Variants in ARHGEF4 observed in about 807,000 individuals in gnomAD.
The protein encoded by ARHGEF4 is Rho guanine nucleotide exchange factor 4, also known as APC-stimulated guanine nucleotide exchange factor 1.
A neutral mutation model predicts 162.0 loss-of-function variants in ARHGEF4; 119 were observed. That is an observed-to-expected ratio of 0.73 (90% CI 0.63 to 0.86). The LOEUF (loss-of-function observed/expected upper bound fraction) is 0.86, where lower values mean the gene tolerates loss of function less well. ARHGEF4 is among the 40% of genes least tolerant of loss of function. The pLI is 0.00. For synonymous variants in ARHGEF4, 1,014 were observed against 979.9 expected (o/e 1.03, Z -0.65); for missense variants, 2,488 against 2,456.0 (o/e 1.01, Z -0.28).
chr2:130,982,557 GCCT>G (rs941562698), intron 4 of ARHGEF4, among the ~76,000 whole-genome samples: 1 of 147,564 alleles, frequency 6.8e-6, no homozygotes. Flanking sequence ...TTCTTTTTTC[GCCT>G]CCTCCTCCTC....
chr2:131,041,955 G>T lies in ARHGEF4; in HGVS notation c.5025+11G>T. The T allele has an allele frequency of 6.2e-7, 1 of 1,609,142 alleles. No homozygotes were observed. Among genetic ancestry groups the T allele is most frequent in the Non-Finnish European group, 8.5e-7 (1 of 1,177,572 alleles). On this transcript the variant is annotated intron_variant, in intron 10 of 13. Coordinates refer to ENST00000409359, the MANE Select transcript of ARHGEF4 (RefSeq NM_001367493.1). ...ATAGAGGACTGGGAGGTGAGGGCCT[G>T]GGGGCACAGAAAATTCCAGGAGGTC...
intron 4 of ARHGEF4, among the ~76,000 whole-genome samples, chr2:131,011,402 A>C (rs1454932819): frequency 1.3e-5 from 2 of 152,218 alleles, no homozygotes; most frequent in Admixed American, 1.3e-4. Flanking sequence ...TATCTGTCTT[A>C]AAGTATGCAT....
chr2:130,916,967 A>G lies in ARHGEF4; in HGVS notation c.3021A>G (p.Pro1007=), dbSNP rs754598308. ...TTTTTAGCGATCACTGGGCACCCCC[A>G]CTTGCCTCCACACCTTTGTCCTCCA... ...GYVFSDHWAP[P]LASTPLSSSL... The change falls in exon 2 of 14, where the codon CCA becomes CCG. Residue 1007 remains proline (P), a synonymous_variant. Transcript: ENST00000409359. 6 of 1,550,832 alleles carry G rather than the reference A, an allele frequency of 3.9e-6. No homozygotes were observed. The South Asian group carries it at 7.1e-5, about 18-fold the overall frequency.
intron 4 of ARHGEF4, among the ~76,000 whole-genome samples, chr2:130,965,020 C>A (rs1441623625): frequency 6.6e-6 from 1 of 152,218 alleles, no homozygotes; most frequent in Non-Finnish European, 1.5e-5. Flanking sequence ...CAAACATTCT[C>A]AAATATTGTA....
At chr2:130,872,977 G>A (rs1198931993) in intron 1 of ARHGEF4, among the ~76,000 whole-genome samples, 1 of 152,086 alleles carries the variant, frequency 6.6e-6, no homozygotes, top group Admixed American at 6.5e-5. Context: ...TTCGCCTGTG[G>A]AGCACACCTT....
chr2:130,980,356 A>G (rs528760121), intron 4 of ARHGEF4, among the ~76,000 whole-genome samples: 2 of 150,804 alleles, frequency 1.3e-5, no homozygotes, highest in East Asian at 3.9e-4. Context: ...AGATCATGCC[A>G]TCCACCCTGT....
intron 4 of ARHGEF4, chr2:130,964,285 T>G: frequency 1.0e-6 from 1 of 984,904 alleles, no homozygotes; most frequent in Non-Finnish European, 1.2e-6. Context: ...GCACGCGCCC[T>G]CCGCGCCCGG....
chr2:131,006,614 A>C (rs1688127547), intron 4 of ARHGEF4, among the ~76,000 whole-genome samples: 1 of 152,230 alleles, frequency 6.6e-6, no homozygotes, highest in Non-Finnish European at 1.5e-5. Context: ...CCATTTTCCC[A>C]AACAGGAAAT....
In ARHGEF4 at chr2:130,975,460, C is replaced by T. The variant is rs1051709846; in HGVS notation, c.3985+28825C>T. Among the ~76,000 whole-genome samples the T allele has an allele frequency of 2.6e-5, 4 of 152,152 alleles. No homozygotes were observed. In the South Asian group the frequency reaches 8.3e-4, roughly 32 times the overall value. On this transcript the variant is annotated intron_variant, in intron 4 of 13. Transcript: ENST00000409359. ...CCACTGGGCCCCTACCTTAGTCATC[C>T]CAGGCCCAGGTACCAAAAAACTCGG...
At chr2:130,841,008 A>C (rs1050197624) in intron 1 of ARHGEF4, among the ~76,000 whole-genome samples, 1 of 152,210 alleles carries the variant, frequency 6.6e-6, no homozygotes, top group Non-Finnish European at 1.5e-5. Context: ...ACTATGCGCC[A>C]GATGTTGTTC....
chr2:130,836,921 T>C lies in ARHGEF4; in HGVS notation c.-33T>C. 4 of 1,221,184 alleles carry C rather than the reference T, an allele frequency of 3.3e-6. No homozygotes were observed. The highest frequency in any genetic ancestry group is 6.3e-4 in the Middle Eastern group (2 of 3,156). 75.6% of individuals were successfully genotyped at this position (1,221,184 alleles called of 1,614,324 possible). ...GGCTCGGCGGCGCGGCTCGTAGTGCTGCGGCCGGGCTCCGGGCGTCCCGGC... is the reference window on the plus strand; with the variant it reads ...GGCTCGGCGGCGCGGCTCGTAGTGCCGCGGCCGGGCTCCGGGCGTCCCGGC... On this transcript the variant is annotated 5_prime_UTR_variant, in exon 1 of 14. Transcript: ENST00000409359.
At chr2:130,853,156 C>T (rs775107769) in intron 1 of ARHGEF4, among the ~76,000 whole-genome samples, 2 of 152,212 alleles carry the variant, frequency 1.3e-5, no homozygotes, top group Non-Finnish European at 2.9e-5. Context: ...ATCCCCACAC[C>T]TATCCCAAGG....
chr2:130,903,670 T>A (rs908915995), intron 1 of ARHGEF4, among the ~76,000 whole-genome samples: 1 of 152,196 alleles, frequency 6.6e-6, no homozygotes, highest in Non-Finnish European at 1.5e-5. Context: ...TGGTACCCAA[T>A]AGGTAGTTTT....
At chr2:131,026,849 C>T (rs998001723) in intron 4 of ARHGEF4, among the ~76,000 whole-genome samples, 5 of 152,084 alleles carry the variant, frequency 3.3e-5, no homozygotes, top group African/African-American at 4.8e-5. Context: ...CACACCTAGG[C>T]GTCTACACTC....
In ARHGEF4 at chr2:130,999,354, T is replaced by C. The variant is rs528955206; in HGVS notation, c.3986-28591T>C. ...TGTATTTTTAGTAGAGACGGGGTTT[T>C]ACCATGTTAGCCAGGATGGTCTCGA... On this transcript the variant is annotated intron_variant, in intron 4 of 13. Transcript: ENST00000409359. Among the ~76,000 whole-genome samples, 725 of 151,470 alleles carry C rather than the reference T, an allele frequency of 4.8e-3. 4 individuals are homozygous for C. Among genetic ancestry groups the C allele is most frequent in the East Asian group, 0.011 (55 of 5,018 alleles).
chr2:130,893,127 G>C (rs1383601709), intron 1 of ARHGEF4, among the ~76,000 whole-genome samples: 1 of 152,214 alleles, frequency 6.6e-6, no homozygotes, highest in Non-Finnish European at 1.5e-5. Context: ...CCGTCCACCT[G>C]TGGTTTCACG....
chr2:130,969,955 G>A (rs1029798661), intron 4 of ARHGEF4, among the ~76,000 whole-genome samples: 1 of 152,150 alleles, frequency 6.6e-6, no homozygotes, highest in African/African-American at 2.4e-5. Flanking sequence ...TCATGTTGTT[G>A]CATTTATCCT....
chr2:130,914,945 A>C lies in ARHGEF4; in HGVS notation c.999A>C (p.Ala333=), dbSNP rs964105391. ...SPRLNCGHMR[A]LVRAHSIAGF... ...GACTCAACTGTGGGCACATGAGGGC[A>C]CTGGTCAGGGCCCATTCCATAGCAG... Residue 333 remains alanine, a synonymous_variant, in exon 2 of 14, where the codon GCA becomes GCC. Coordinates refer to ENST00000409359, the MANE Select transcript of ARHGEF4 (RefSeq NM_001367493.1). The C allele has an allele frequency of 9.7e-6, 15 of 1,546,610 alleles. No individual in the cohort carries two copies. Among genetic ancestry groups the C allele is most frequent in the African/African-American group, 1.4e-5 (1 of 72,980 alleles).
intron 2 of ARHGEF4, among the ~76,000 whole-genome samples, chr2:130,926,202 A>G (rs1682277627): frequency 6.6e-6 from 1 of 151,886 alleles, no homozygotes; most frequent in African/African-American, 2.4e-5. Flanking sequence ...TTCAGTTACT[A>G]TATTTTTCAA....
Sources: allele counts gnomAD v4.1 joint callset (sites outside exome capture counted in the v4.1 genomes callset), GRCh38; gene constraint gnomAD v4.1.1; transcripts MANE v1.5; gene names NCBI Gene and HGNC (gene_info 2026-07-23, HGNC 2026-07-21).